The following PTPRM variants were observed in gnomAD, a reference collection of about 807,000 sequenced individuals.
PTPRM encodes receptor-type tyrosine-protein phosphatase mu.
In PTPRM, 47 loss-of-function variants were observed where a neutral mutation model predicts 186.7. That is an observed-to-expected ratio of 0.25 (90% CI 0.20 to 0.32). The LOEUF (loss-of-function observed/expected upper bound fraction) is 0.32, where lower values mean the gene tolerates loss of function less well. Among genes scored for constraint, PTPRM ranks in the 10% least tolerant of loss-of-function variants. The pLI, the probability that PTPRM is intolerant of heterozygous loss-of-function variation, is 1.00. For synonymous variants in PTPRM, 668 were observed against 674.9 expected, an observed-to-expected ratio of 0.99 and a Z score of 0.16; for missense variants, 1,494 against 1,865.0, an observed-to-expected ratio of 0.80 and a Z score of 3.66.
chr18:8,280,005 G>C (rs2094883463), intron 19 of PTPRM, among the ~76,000 whole-genome samples: 1 of 152,124 alleles, frequency 6.6e-6, no homozygotes, highest in Non-Finnish European at 1.5e-5. Flanking sequence ...CATCAGAATC[G>C]CTTCCATTTA....
At chr18:7,828,257 AT>A (rs2045587193) in intron 2 of PTPRM, among the ~76,000 whole-genome samples, 1 of 150,570 alleles carries the variant, frequency 6.6e-6, no homozygotes, top group South Asian at 2.1e-4. Flanking sequence ...TTATTTTTTA[AT>A]TTTATTATTA....
intron 19 of PTPRM, among the ~76,000 whole-genome samples, chr18:8,295,351 G>A (rs1165702917): frequency 6.6e-6 from 1 of 152,144 alleles, no homozygotes; most frequent in Non-Finnish European, 1.5e-5. Context: ...CAAGACGGCT[G>A]AACACCACAG....
intron 1 of PTPRM, among the ~76,000 whole-genome samples, chr18:7,729,795 AATC>A (rs1363316433): frequency 9.2e-5 from 14 of 152,318 alleles, no homozygotes; most frequent in African/African-American, 3.1e-4. Context: ...AAAAAAAACT[AATC>A]ATATAGAACC....
chr18:7,664,332 G>A (rs1555648578), intron 1 of PTPRM, among the ~76,000 whole-genome samples: 1 of 152,208 alleles, frequency 6.6e-6, no homozygotes, highest in Non-Finnish European at 1.5e-5. Context: ...CAGGTCCACA[G>A]CTCATGTGCC....
Position 8,069,943 on chromosome 18 carries a change from C to G in PTPRM, c.1390C>G (p.Pro464Ala). The G allele has an allele frequency of 6.2e-7, 1 of 1,613,998 alleles. No individual in the cohort carries two copies. Residue 464 changes from proline to alanine, a missense_variant, in exon 8 of 33, where the codon CCA becomes GCA. Pro to Ala is a conservative substitution (Grantham distance 27). Coordinates refer to ENST00000580170, the MANE Select transcript of PTPRM (RefSeq NM_001105244.2). ...CAGTGTGAAACTGATCCTCATGAAC[C>G]CAGAGGGCCGGAAGGAAAGCCAAGA... ...NVSVKLILMN[P>A]EGRKESQELI...
chr18:8,248,484 A>G (rs1184872509), intron 17 of PTPRM: 1 of 454,628 alleles, frequency 2.2e-6, no homozygotes, highest in East Asian at 4.5e-5. Flanking sequence ...TCCCAGGGGA[A>G]AAAAACAAGG....
chr18:8,061,709 ACTTATGAAG>A (rs2088533713), intron 7 of PTPRM, among the ~76,000 whole-genome samples: 1 of 99,600 alleles, frequency 1.0e-5, no homozygotes, highest in Non-Finnish European at 2.1e-5. Flanking sequence ...TTTCTCCTTC[ACTTATGAAG>A]CTTAGTTTGG....
intron 5 of PTPRM, among the ~76,000 whole-genome samples, chr18:7,928,157 G>A (rs1014604122): frequency 6.6e-6 from 1 of 152,152 alleles, no homozygotes; most frequent in African/African-American, 2.4e-5. Context: ...GAGGCTTCTT[G>A]TTGTTTTCTC....
chr18:8,177,644 T>C (rs2093505699), intron 14 of PTPRM, among the ~76,000 whole-genome samples: 2 of 152,208 alleles, frequency 1.3e-5, no homozygotes, highest in South Asian at 4.1e-4. Context: ...GAAGAAAGAA[T>C]TCAACCCAGG....
chr18:8,105,908 G>A (rs1226904243), intron 11 of PTPRM, among the ~76,000 whole-genome samples: 1 of 152,232 alleles, frequency 6.6e-6, no homozygotes, highest in African/African-American at 2.4e-5. Context: ...TGTAGCCTAA[G>A]GAGTGATTAT....
chr18:7,703,367 C>T (rs577754820), intron 1 of PTPRM, among the ~76,000 whole-genome samples: 1 of 152,246 alleles, frequency 6.6e-6, no homozygotes, highest in Non-Finnish European at 1.5e-5. Flanking sequence ...GTTTGTAGTT[C>T]TCCCTGAAGA....
At chr18:8,212,277 A>G (rs1264680702) in intron 14 of PTPRM, among the ~76,000 whole-genome samples, 2 of 152,084 alleles carry the variant, frequency 1.3e-5, no homozygotes, top group Non-Finnish European at 2.9e-5. Context: ...CAAGGAGAGA[A>G]TGTTGTGTGC....
intron 7 of PTPRM, among the ~76,000 whole-genome samples, chr18:8,048,429 A>G (rs963544717): frequency 6.6e-6 from 1 of 151,750 alleles, no homozygotes; most frequent in African/African-American, 2.4e-5. Context: ...TCCAGTTGTC[A>G]GTGGGGTGCT....
intron 19 of PTPRM, among the ~76,000 whole-genome samples, chr18:8,288,274 C>A (rs2094980116): frequency 6.6e-6 from 1 of 152,166 alleles, no homozygotes; most frequent in South Asian, 2.1e-4. Context: ...GCCAAAGAAA[C>A]AAGGACTCCC....
At chr18:7,993,042 A>T (rs952764380) in intron 7 of PTPRM, among the ~76,000 whole-genome samples, 2 of 151,906 alleles carry the variant, frequency 1.3e-5, no homozygotes, top group Admixed American at 6.6e-5. Flanking sequence ...GACATATCGT[A>T]AAAAAGGATT....
chr18:8,163,016 G>A (rs75348727), intron 14 of PTPRM, among the ~76,000 whole-genome samples: 143 of 152,240 alleles, frequency 9.4e-4, no homozygotes, highest in Middle Eastern at 3.4e-3. Context: ...CAGCTCTAGC[G>A]CCTTCCTGCA....
intron 11 of PTPRM, among the ~76,000 whole-genome samples, chr18:8,106,520 A>C (rs1488277748): frequency 6.6e-6 from 1 of 152,092 alleles, no homozygotes; most frequent in Non-Finnish European, 1.5e-5. Flanking sequence ...CCTTTGTACA[A>C]ACCCTTATCA....
chr18:7,890,024 A>G (rs977883013), intron 3 of PTPRM, among the ~76,000 whole-genome samples: 10 of 152,234 alleles, frequency 6.6e-5, no homozygotes, highest in Admixed American at 5.9e-4. Flanking sequence ...TTCCTGTGAC[A>G]CAAGAGCATC....
intron 19 of PTPRM, among the ~76,000 whole-genome samples, chr18:8,293,821 G>T (rs2095066132): frequency 6.6e-6 from 1 of 152,078 alleles, no homozygotes; most frequent in African/African-American, 2.4e-5. Context: ...TGTTCTAGAT[G>T]GAATCAACTA....
Sources: gnomAD v4.1 joint callset for allele counts (sites outside exome capture counted in the v4.1 genomes callset) on GRCh38, gnomAD v4.1.1 for gene constraint, MANE v1.5 for transcripts, NCBI Gene and HGNC (gene_info 2026-07-23, HGNC 2026-07-21) for gene names.